Variants in KDR observed in about 807,000 individuals in gnomAD.
KDR encodes vascular endothelial growth factor receptor 2.
A neutral mutation model predicts 160.9 loss-of-function variants in KDR; 43 were observed. The observed-to-expected ratio is 0.27, with a 90% confidence interval of 0.21 to 0.34. The LOEUF (loss-of-function observed/expected upper bound fraction) is 0.34, where lower values mean the gene tolerates loss of function less well. KDR is among the 10% of genes least tolerant of loss of function. The pLI is 1.00. For missense variants in KDR, 1,469 were observed against 1,666.4 expected (o/e 0.88, Z 2.06); for synonymous variants, 617 against 600.1 (o/e 1.03, Z -0.41).
At position 55,082,559 on chromosome 4, in the gene KDR, G is replaced by A. The variant is rs778078301; in HGVS notation, c.3739C>T (p.Pro1247Ser). The change falls in exon 28 of 30, where the codon CCA becomes TCA. Residue 1247 changes from proline to serine, a missense_variant. By Grantham distance (74) the Pro-to-Ser change is moderately conservative. Coordinates refer to ENST00000263923, the MANE Select transcript of KDR (RefSeq NM_002253.4). ...ACATCTGGGATTACTTTTACTTCTG[G>A]TTCTTCTAACGGGATATCTTCAAAT... is the stretch of plus-strand genomic sequence containing the variant. ...KTFEDIPLEE[P>S]EVKVIPDDNQ... is the part of the protein sequence containing the mutation. 1 of 1,613,002 alleles carries A rather than the reference G, an allele frequency of 6.2e-7. No individual in the cohort carries two copies. Among genetic ancestry groups the A allele is most frequent in the African/African-American group, 1.3e-5 (1 of 75,006 alleles).
intron 3 of KDR, 131 bp downstream of exon 3, chr4:55,118,473 G>A (rs765158259): frequency 8.1e-6 from 6 of 743,388 alleles, no homozygotes; most frequent in Non-Finnish European, 1.2e-5. Context: ...CAGGAGAGAA[G>A]AATTGTGTGT....
At chr4:55,119,172 G>A (rs962499610) in intron 2 of KDR, among the ~76,000 whole-genome samples, 4 of 151,072 alleles carry the variant, frequency 2.6e-5, no homozygotes, top group African/African-American at 9.7e-5. Context: ...TCACACCACT[G>A]CACTTCAGCC....
rs758102038 is a variant in KDR at position 55,098,698 on chromosome 4, C to T, written c.2372G>A (p.Arg791Gln). ...LLVIILRTVK[R>Q]ANGGELKTGY... Reference sequence around the variant, plus strand: ...GCAGAAGGGAAATTATTTTTTTACCCGCTTAACGGTCCGTAGGATGATGAC... The same window carrying T: ...GCAGAAGGGAAATTATTTTTTTACCTGCTTAACGGTCCGTAGGATGATGAC... The change falls in exon 16 of 30, where the codon CGG becomes CAG. Residue 791 changes from arginine (R) to glutamine (Q), a missense_variant and splice_region_variant. This residue lies in a region of KDR where 118 missense variants were observed against 110.8 expected (regional missense o/e 1.06). Coordinates refer to ENST00000263923, the MANE Select transcript of KDR (RefSeq NM_002253.4). The T allele has an allele frequency of 1.7e-5, 27 of 1,608,388 alleles. No homozygotes were observed. In the East Asian group the frequency reaches 4.2e-4, roughly 25 times the overall value.
At chr4:55,113,570 T>A (rs1720652403) in intron 6 of KDR, 89 bp from the exon 7 acceptor site, 1 of 1,162,734 alleles carries the variant, frequency 8.6e-7, no homozygotes. Flanking sequence ...AATCTGGGCT[T>A]TGGTAAACAT....
At chr4:55,111,952 T>C (rs1160257071) in intron 7 of KDR, among the ~76,000 whole-genome samples, 2 of 152,244 alleles carry the variant, frequency 1.3e-5, no homozygotes, top group African/African-American at 2.4e-5. Flanking sequence ...TAAATAGCAT[T>C]ATCTAAGGTA....
At chr4:55,098,982 A>AATTTATTTATTT (rs71930411) in intron 15 of KDR, among the ~76,000 whole-genome samples, 179 bp from the exon 16 acceptor site, 33 of 143,042 alleles carry the variant, frequency 2.3e-4, no homozygotes, top group South Asian at 1.4e-3. Context: ...TTTTGAATTT[A>AATTTATTTATTT]ATTTATTTAT....
At chr4:55,098,671 G>A (rs1408909970) in intron 16 of KDR, 26 bp downstream of exon 16, 1 of 1,532,346 alleles carries the variant, frequency 6.5e-7, no homozygotes, top group Non-Finnish European at 9.0e-7. Context: ...CAATGTGCAT[G>A]GGCAGAAGGG....
At position 55,106,114 on chromosome 4, in the gene KDR, C is replaced by T. The variant is rs866861894; in HGVS notation, c.1537-174G>A. ...CAGGTTGAGTATCCCTTACTCAAAA[C>T]GCTTGGGACCAAAAGTGGTTTGGAT... On this transcript the variant is annotated intron_variant, in intron 11 of 29. Coordinates refer to ENST00000263923, the MANE Select transcript of KDR (RefSeq NM_002253.4). 3.9e-5 allele frequency among the ~76,000 whole-genome samples: 6 copies of T among 152,068 alleles called. No homozygotes were observed. The South Asian group carries it at 6.2e-4, about 16-fold the overall frequency.
intron 1 of KDR, among the ~76,000 whole-genome samples, chr4:55,121,918 T>C (rs926942159): frequency 2.0e-5 from 3 of 152,192 alleles, no homozygotes; most frequent in African/African-American, 7.2e-5. Context: ...CATTACCCTT[T>C]TTTTAAAAAG....
At chr4:55,096,964 A>G (rs1033380766) in intron 18 of KDR, among the ~76,000 whole-genome samples, 2 of 152,214 alleles carry the variant, frequency 1.3e-5, no homozygotes, top group Non-Finnish European at 2.9e-5. Flanking sequence ...TGGCCACAAG[A>G]GAAAAAAGGC....
intron 7 of KDR, among the ~76,000 whole-genome samples, chr4:55,112,012 A>C (rs1720597195): frequency 6.6e-6 from 1 of 152,206 alleles, no homozygotes; most frequent in Non-Finnish European, 1.5e-5. Flanking sequence ...AAACTCCAAA[A>C]TCCTTTCCAA....
intron 19 of KDR, 77 bp from the exon 20 acceptor site, chr4:55,095,742 C>T: frequency 2.0e-6 from 2 of 990,176 alleles, no homozygotes; most frequent in South Asian, 2.6e-5. Flanking sequence ...AGTGATGAAC[C>T]CAAAAACACC....
chr4:55,104,478 A>C (rs374655467), intron 13 of KDR, 165 bp downstream of exon 13: 1 of 671,872 alleles, frequency 1.5e-6, no homozygotes. Flanking sequence ...ATATCATTTC[A>C]TTATTATTAG....
intron 27 of KDR, among the ~76,000 whole-genome samples, chr4:55,084,312 G>A (rs897533116): frequency 6.6e-6 from 1 of 152,128 alleles, no homozygotes; most frequent in African/African-American, 2.4e-5. Context: ...GACAAATACT[G>A]CACTTCTTCA....
intron 26 of KDR, 130 bp from the exon 27 acceptor site, chr4:55,087,888 T>C (rs1368342152): frequency 3.6e-6 from 3 of 829,440 alleles, no homozygotes; most frequent in Non-Finnish European, 6.1e-6. Context: ...ACATAGAACT[T>C]TAAGACAACA....
chr4:55,080,850 T>G (rs1719714114), intron 29 of KDR, among the ~76,000 whole-genome samples: 1 of 152,194 alleles, frequency 6.6e-6, no homozygotes, highest in African/African-American at 2.4e-5. Flanking sequence ...GGATTTACAC[T>G]TTCACAAGCC....
At chr4:55,107,631 A>C (rs1720476964) in intron 10 of KDR, 106 bp downstream of exon 10, 1 of 1,436,604 alleles carries the variant, frequency 7.0e-7, no homozygotes, top group African/African-American at 1.4e-5. Context: ...CTTGAGAGAA[A>C]ACTTTTTTTG....
rs749995733 is a variant in KDR at position 55,125,228 on chromosome 4, C to T, written c.66G>A (p.Val22=). 1.6e-5 allele frequency: 25 copies of T among 1,612,238 alleles called. No individual in the cohort carries two copies. Among genetic ancestry groups the T allele is most frequent in the Middle Eastern group, 1.6e-4 (1 of 6,076 alleles). Residue 22 remains valine (V), a splice_region_variant and synonymous_variant, in exon 1 of 30, where the codon GTG becomes GTA. Transcript: ENST00000263923. ...CCTCCTCCAGAGTGGGCTCCTTACC[C>T]ACAGAGGCGGCCCGGGTCTCCACGC... ...WLCVETRAAS[V]GLPSVSLDLP...
intron 27 of KDR, among the ~76,000 whole-genome samples, chr4:55,083,178 A>C (rs1719780185): frequency 6.6e-6 from 1 of 152,178 alleles, no homozygotes; most frequent in Non-Finnish European, 1.5e-5. Flanking sequence ...GTGCAAAGAG[A>C]AGGTGGGCTG....
Sources: gnomAD v4.1 joint callset for allele counts (sites outside exome capture counted in the v4.1 genomes callset) on GRCh38, gnomAD v4.1.1 for gene constraint, gnomAD v4.1.1 regional missense constraint, MANE v1.5 for transcripts, NCBI Gene and HGNC (gene_info 2026-07-23, HGNC 2026-07-21) for gene names.